AOPEP: variants seen among roughly 807,000 people sequenced by gnomAD.
AOPEP encodes aminopeptidase O (putative), also known as aminopeptidase O.
Under a neutral mutation model 98.1 loss-of-function variants are expected in AOPEP, and 77 were observed. The observed-to-expected ratio is 0.78, with a 90% CI of 0.65 to 0.95. The LOEUF (loss-of-function observed/expected upper bound fraction) is 0.95. AOPEP is among the 40% of genes least tolerant of loss of function. AOPEP has a pLI of 0.00. For synonymous variants in AOPEP, 346 were observed against 365.3 expected (o/e 0.95, Z 0.60); for missense variants, 1,024 against 1,024.7 (o/e 1.00, Z 0.01).
At chr9:95,000,580 C>T (rs1041501464) in intron 11 of AOPEP, among the ~76,000 whole-genome samples, 2 of 152,014 alleles carry the variant, frequency 1.3e-5, no homozygotes, top group African/African-American at 4.8e-5. Context: ...TGGTGGCAGG[C>T]GCCTGTAATC....
At chr9:95,085,953 C>A in intron 16 of AOPEP, 1 of 1,340,884 alleles carries the variant, frequency 7.5e-7, no homozygotes. Context: ...GTCTCCTGCG[C>A]CAGCAGACGG....
At chr9:94,873,452 C>A (rs536695157) in intron 5 of AOPEP, among the ~76,000 whole-genome samples, 5 of 152,314 alleles carry the variant, frequency 3.3e-5, no homozygotes, top group Admixed American at 3.3e-4. Flanking sequence ...AAGCACCTGA[C>A]ATCTTTGGAG....
At chr9:94,743,052 G>A (rs557446077) in intron 1 of AOPEP, among the ~76,000 whole-genome samples, 1 of 152,078 alleles carries the variant, frequency 6.6e-6, no homozygotes, top group Non-Finnish European at 1.5e-5. Context: ...GCCTTGGGAG[G>A]CACCCAGTGT....
At position 94,901,528 on chromosome 9, in the gene AOPEP, C is replaced by T. The variant is rs192447619; in HGVS notation, c.1365-22458C>T. 8.6e-5 allele frequency among the ~76,000 whole-genome samples: 13 copies of T among 152,034 alleles called. No individual in the cohort carries two copies. In the East Asian group the frequency reaches 9.6e-4, roughly 11 times the overall value. On this transcript the variant is annotated intron_variant, in intron 5 of 16. Coordinates refer to ENST00000375315, the MANE Select transcript of AOPEP (RefSeq NM_001193329.3). Reference sequence around the variant, plus strand: ...TAACCCTTGAGTCCTTAGGACTCCTCGCTGCTTCTCAGTATCTCACATACC... The same window carrying T: ...TAACCCTTGAGTCCTTAGGACTCCTTGCTGCTTCTCAGTATCTCACATACC...
intron 5 of AOPEP, among the ~76,000 whole-genome samples, chr9:94,887,350 A>AAATAATAAT (rs372787659): frequency 5.7e-4 from 86 of 150,762 alleles, no homozygotes; most frequent in African/African-American, 1.9e-3. Flanking sequence ...CCTGTCTCCA[A>AAATAATAAT]AATAATAATA....
intron 5 of AOPEP, among the ~76,000 whole-genome samples, chr9:94,852,793 TTATA>T (rs1259573170): frequency 4.6e-5 from 7 of 152,240 alleles, no homozygotes; most frequent in Non-Finnish European, 8.8e-5. Context: ...ATCTTTAAGA[TTATA>T]TATATGCCAA....
the AOPEP span, among the ~76,000 whole-genome samples, chr9:95,112,113 G>C: frequency 1.3e-5 from 2 of 152,226 alleles, no homozygotes; most frequent in African/African-American, 4.8e-5. Flanking sequence ...CTGTCATCAT[G>C]GGTGCATCAA....
chr9:94,948,607 T>C (rs913561485), intron 7 of AOPEP, among the ~76,000 whole-genome samples: 1 of 152,114 alleles, frequency 6.6e-6, no homozygotes, highest in African/African-American at 2.4e-5. Flanking sequence ...TGATCACATA[T>C]CACAGGTGGA....
At chr9:94,941,184 C>T (rs1341529082) in intron 7 of AOPEP, among the ~76,000 whole-genome samples, 1 of 152,236 alleles carries the variant, frequency 6.6e-6, no homozygotes, top group African/African-American at 2.4e-5. Context: ...TGGGTCCCCT[C>T]TGGCTCTTCT....
chr9:94,981,887 T>G (rs2060208033), intron 11 of AOPEP, among the ~76,000 whole-genome samples: 1 of 152,248 alleles, frequency 6.6e-6, no homozygotes, highest in South Asian at 2.1e-4. Flanking sequence ...TACAGAGGCT[T>G]TTTGTCTTCT....
At chr9:94,932,977 G>C in intron 7 of AOPEP, 9 of 985,396 alleles carry the variant, frequency 9.1e-6, no homozygotes, top group Non-Finnish European at 1.1e-5. Flanking sequence ...AATGTTAGGG[G>C]TCACATGCCA....
chr9:95,064,318 G>A (rs762898696), intron 14 of AOPEP, among the ~76,000 whole-genome samples: 1 of 152,180 alleles, frequency 6.6e-6, no homozygotes, highest in Admixed American at 6.5e-5. Context: ...TGTTTGAGAC[G>A]GAGTCTCGCT....
intron 10 of AOPEP, 23 bp downstream of exon 10, chr9:94,967,824 T>G: frequency 1.3e-6 from 2 of 1,595,368 alleles, no homozygotes; most frequent in Non-Finnish European, 1.7e-6. Flanking sequence ...TTAGGAATTT[T>G]GGAATTAAGA....
chr9:95,078,349 A>G (rs2069316924), intron 14 of AOPEP, among the ~76,000 whole-genome samples: 1 of 152,238 alleles, frequency 6.6e-6, no homozygotes, highest in Non-Finnish European at 1.5e-5. Context: ...GAAGGAAAGC[A>G]CAGAAAGAAA....
the AOPEP span, among the ~76,000 whole-genome samples, chr9:95,120,660 TCAAG>T: frequency 1.3e-5 from 2 of 152,136 alleles, no homozygotes; most frequent in Non-Finnish European, 2.9e-5. Context: ...ACTCCTGGAC[TCAAG>T]CAATCCTCCC....
chr9:95,150,155 C>A, the AOPEP span: 1 of 1,565,640 alleles, frequency 6.4e-7, no homozygotes, highest in Non-Finnish European at 8.8e-7. Flanking sequence ...ATATAAAAAC[C>A]TTCATGCTAA....
At chr9:95,050,261 A>G (rs1221379750) in intron 13 of AOPEP, among the ~76,000 whole-genome samples, 1 of 152,238 alleles carries the variant, frequency 6.6e-6, no homozygotes, top group Non-Finnish European at 1.5e-5. Context: ...AATGTAGGAA[A>G]ATTAAACATT....
intron 3 of AOPEP, among the ~76,000 whole-genome samples, chr9:94,782,261 TGAA>T (rs1027459360): frequency 3.0e-4 from 45 of 151,996 alleles, no homozygotes; most frequent in African/African-American, 1.0e-3. Context: ...CTCAAGTAAA[TGAA>T]GAAGACTGCC....
intron 13 of AOPEP, among the ~76,000 whole-genome samples, chr9:95,046,357 T>G (rs2065869534): frequency 6.6e-6 from 1 of 152,364 alleles, no homozygotes; most frequent in South Asian, 2.1e-4. Context: ...ATGAGGCTGA[T>G]AGCGTAGGTA....
Sources: allele counts gnomAD v4.1 joint callset (sites outside exome capture counted in the v4.1 genomes callset), GRCh38; gene constraint gnomAD v4.1.1; transcripts MANE v1.5; gene names NCBI Gene and HGNC (gene_info 2026-07-23, HGNC 2026-07-21).